Variants in SYT1 observed in about 807,000 individuals in gnomAD.
SYT1 encodes the protein synaptotagmin 1, also known as synaptotagmin-1.
SYT1 carries 8 observed loss-of-function variants against 44.8 expected under a neutral mutation model. The ratio of observed to expected loss-of-function variants is 0.18; its 90% CI spans 0.10 to 0.32. The LOEUF is 0.32. Ranked by LOEUF, SYT1 falls within the 10% of genes least tolerant of loss-of-function variation. SYT1 has a pLI of 1.00. For missense variants in SYT1, 286 were observed against 509.3 expected, an observed-to-expected ratio of 0.56 and a Z score of 4.22; for synonymous variants, 154 against 188.8, an observed-to-expected ratio of 0.82 and a Z score of 1.51.
intron 4 of SYT1, among the ~76,000 whole-genome samples, chr12:79,242,301 A>G (rs1876562713): frequency 6.6e-6 from 1 of 152,156 alleles, no homozygotes; most frequent in Non-Finnish European, 1.5e-5. Flanking sequence ...CCTTAACAAG[A>G]AGAGGGTTAT....
At chr12:79,188,077 T>TAA (rs1872905942) in intron 3 of SYT1, among the ~76,000 whole-genome samples, 1 of 152,156 alleles carries the variant, frequency 6.6e-6, no homozygotes, top group Non-Finnish European at 1.5e-5. Context: ...TTTATTCGCA[T>TAA]TATATTGGTG....
intron 3 of SYT1, among the ~76,000 whole-genome samples, chr12:79,197,327 C>T (rs145558048): frequency 1.5e-4 from 23 of 152,166 alleles, no homozygotes; most frequent in African/African-American, 5.1e-4. Flanking sequence ...TCAAGTCATA[C>T]GGAATTCTAG....
At chr12:79,233,215 C>CG (rs1159423605) in intron 4 of SYT1, among the ~76,000 whole-genome samples, 1 of 152,180 alleles carries the variant, frequency 6.6e-6, no homozygotes, top group East Asian at 1.9e-4. Context: ...AAGTGGAGAT[C>CG]AGGGACTCGG....
At chr12:79,041,726 G>C (rs991381558) in intron 2 of SYT1, among the ~76,000 whole-genome samples, 18 of 151,258 alleles carry the variant, frequency 1.2e-4, no homozygotes, top group African/African-American at 4.4e-4. Flanking sequence ...AATGCTTCCA[G>C]TTTTTGCCCA....
intron 4 of SYT1, among the ~76,000 whole-genome samples, chr12:79,277,590 T>C (rs1191391963): frequency 1.3e-5 from 2 of 152,116 alleles, no homozygotes; most frequent in Admixed American, 1.3e-4. Context: ...TCATAGAGCT[T>C]ATGAAATAAT....
intron 3 of SYT1, among the ~76,000 whole-genome samples, chr12:79,080,287 A>G (rs1876942482): frequency 6.6e-6 from 1 of 152,176 alleles, no homozygotes; most frequent in Non-Finnish European, 1.5e-5. Flanking sequence ...TTTATATTAT[A>G]TCAGACATCT....
intron 3 of SYT1, among the ~76,000 whole-genome samples, chr12:79,197,328 G>A (rs2141088): frequency 0.69 from 104,844 of 151,930 alleles, 36,553 homozygotes; most frequent in Admixed American, 0.73. Flanking sequence ...CAAGTCATAC[G>A]GAATTCTAGA....
At chr12:79,028,540 G>A (rs777358184) in intron 2 of SYT1, among the ~76,000 whole-genome samples, 9 of 151,168 alleles carry the variant, frequency 6.0e-5, no homozygotes, top group Non-Finnish European at 1.3e-4. Flanking sequence ...CTCATATCCA[G>A]GGCACTTAGC....
chr12:79,256,949 T>G (rs986200603), intron 4 of SYT1, among the ~76,000 whole-genome samples: 4 of 152,188 alleles, frequency 2.6e-5, no homozygotes, highest in Admixed American at 2.0e-4. Flanking sequence ...AATGTTAACT[T>G]CAGCTCCATT....
intron 2 of SYT1, among the ~76,000 whole-genome samples, chr12:78,990,130 G>T (rs1869920049): frequency 6.6e-6 from 1 of 152,142 alleles, no homozygotes; most frequent in Non-Finnish European, 1.5e-5. Flanking sequence ...GGTGGTATTT[G>T]AACATGAGCT....
intron 1 of SYT1, among the ~76,000 whole-genome samples, chr12:78,883,052 A>C (rs918033191): frequency 2.0e-5 from 3 of 151,726 alleles, no homozygotes; most frequent in Non-Finnish European, 4.4e-5. Context: ...TTTTTTAAAA[A>C]AATATCTTAT....
intron 2 of SYT1, among the ~76,000 whole-genome samples, chr12:78,997,632 A>G (rs1462458130): frequency 3.3e-5 from 5 of 150,564 alleles, no homozygotes; most frequent in Non-Finnish European, 5.9e-5. Context: ...CAAATTATGT[A>G]TCTTTCCCCT....
intron 1 of SYT1, among the ~76,000 whole-genome samples, chr12:78,886,696 G>T (rs1295964674): frequency 6.6e-6 from 1 of 151,986 alleles, no homozygotes; most frequent in Non-Finnish European, 1.5e-5. Context: ...GTTTTGAAAG[G>T]TTTGGGTTGT....
At chr12:79,410,053 G>A (rs1391366372) in intron 9 of SYT1, among the ~76,000 whole-genome samples, 1 of 151,968 alleles carries the variant, frequency 6.6e-6, no homozygotes, top group Non-Finnish European at 1.5e-5. Flanking sequence ...ATTTTGAAAT[G>A]CTGAGTGTGT....
chr12:79,072,170 A>C (rs992805996), intron 3 of SYT1, among the ~76,000 whole-genome samples: 10 of 152,158 alleles, frequency 6.6e-5, no homozygotes, highest in African/African-American at 2.4e-4. Context: ...ATGAACAATA[A>C]AAAAGATAAA....
chr12:79,399,531 C>T (rs568820122), intron 9 of SYT1, among the ~76,000 whole-genome samples: 151 of 152,154 alleles, frequency 9.9e-4, no homozygotes, highest in South Asian at 4.6e-3. Flanking sequence ...ATGTTAACTA[C>T]GTTTATCCCA....
intron 7 of SYT1, among the ~76,000 whole-genome samples, chr12:79,298,308 T>C (rs928614920): frequency 6.6e-6 from 1 of 152,134 alleles, no homozygotes; most frequent in African/African-American, 2.4e-5. Flanking sequence ...TGCTTACTTT[T>C]TAATCATATC....
intron 3 of SYT1, among the ~76,000 whole-genome samples, chr12:79,094,930 A>G (rs2138020469): frequency 6.6e-6 from 1 of 152,082 alleles, no homozygotes; most frequent in African/African-American, 2.4e-5. Flanking sequence ...GCCACTCCCA[A>G]AAGAAAGGCA....
At chr12:79,194,071 G>A (rs1200353387) in intron 3 of SYT1, among the ~76,000 whole-genome samples, 1 of 152,136 alleles carries the variant, frequency 6.6e-6, no homozygotes, top group Non-Finnish European at 1.5e-5. Flanking sequence ...CAGAAAAGCA[G>A]TGTTTTATGC....
Sources: gnomAD v4.1 joint callset for allele counts (sites outside exome capture counted in the v4.1 genomes callset) on GRCh38, gnomAD v4.1.1 for gene constraint, MANE v1.5 for transcripts, NCBI Gene and HGNC (gene_info 2026-07-23, HGNC 2026-07-21) for gene names.